FRMPD1: variants seen among roughly 807,000 people sequenced by gnomAD.
FRMPD1 encodes the protein FERM and PDZ domain containing 1.
FRMPD1 carries 76 observed loss-of-function variants against 117.8 expected under a neutral mutation model. The ratio of observed to expected loss-of-function variants is 0.65; its 90% CI spans 0.54 to 0.78. FRMPD1 has a LOEUF of 0.78. FRMPD1 is among the 30% of genes least tolerant of loss of function. The pLI, the probability that FRMPD1 is intolerant of heterozygous loss-of-function variation, is 0.00. For synonymous variants in FRMPD1, 783 were observed against 770.4 expected (o/e 1.02, Z -0.27); for missense variants, 1,786 against 1,964.5 (o/e 0.91, Z 1.72).
chr9:37,725,936 A>G (rs1161177596), intron 7 of FRMPD1, among the ~76,000 whole-genome samples: 1 of 152,210 alleles, frequency 6.6e-6, no homozygotes, highest in East Asian at 1.9e-4. Context: ...TACTTTCATC[A>G]TCTTTGCTCA....
intron 1 of FRMPD1, among the ~76,000 whole-genome samples, chr9:37,671,832 G>C (rs1033786004): frequency 6.6e-6 from 1 of 152,290 alleles, no homozygotes. Context: ...CGGGCGTGGT[G>C]GTGGGCATCT....
chr9:37,687,251 C>A (rs1171034052), intron 1 of FRMPD1, among the ~76,000 whole-genome samples: 1 of 152,220 alleles, frequency 6.6e-6, no homozygotes, highest in African/African-American at 2.4e-5. Context: ...CCCGTTAATC[C>A]TGTCTCTAAA....
At chr9:37,671,213 C>G (rs1821339522) in intron 1 of FRMPD1, among the ~76,000 whole-genome samples, 1 of 152,348 alleles carries the variant, frequency 6.6e-6, no homozygotes, top group South Asian at 2.1e-4. Context: ...TTCCCTCTCA[C>G]TCAAGGACTT....
chr9:37,733,138 G>A (rs1465532812), intron 10 of FRMPD1, among the ~76,000 whole-genome samples: 1 of 152,138 alleles, frequency 6.6e-6, no homozygotes, highest in Non-Finnish European at 1.5e-5. Flanking sequence ...CCCCATGAGA[G>A]TGTCTTGTAC....
At chr9:37,737,838 A>AG (rs948920211) in intron 14 of FRMPD1, among the ~76,000 whole-genome samples, 65 of 152,106 alleles carry the variant, frequency 4.3e-4, no homozygotes, top group African/African-American at 1.5e-3. Flanking sequence ...AAAAAAAAAA[A>AG]AAAAAAAAGA....
At chr9:37,649,771 T>C (rs1820611695), upstream of FRMPD1, among the ~76,000 whole-genome samples, 1 of 152,234 alleles carries the variant, frequency 6.6e-6, no homozygotes, top group Non-Finnish European at 1.5e-5. Flanking sequence ...AACCTGCCAG[T>C]GCACTGGGAA....
At position 37,745,468 on chromosome 9, in the gene FRMPD1, C is replaced by T; in HGVS notation, c.3436C>T (p.Gln1146Ter). The change falls in exon 16 of 16, where the codon CAG becomes TAG. Residue 1146 changes from glutamine to a stop codon, truncating the protein, a stop_gained. Coordinates refer to ENST00000377765, the MANE Select transcript of FRMPD1 (RefSeq NM_014907.3). LOFTEE classifies it high-confidence loss of function. ...GGGTGATGTGTCAAATAATGTTTCA[C>T]AGACTCTTGATATTAGCTCTCCAGC... The part of the protein sequence containing the change: ...SPGDVSNNVS[Q>*]TLDISSPAGK... 1 of 1,613,934 alleles carries T rather than the reference C, an allele frequency of 6.2e-7. No homozygotes were observed. The highest frequency in any genetic ancestry group is 8.5e-7 in the Non-Finnish European group (1 of 1,179,810).
the FRMPD1 span, among the ~76,000 whole-genome samples, chr9:37,618,017 C>A: frequency 2.0e-5 from 3 of 152,056 alleles, no homozygotes; most frequent in South Asian, 4.2e-4. Flanking sequence ...TGGGGCAGCC[C>A]CAGCTGACTC....
chr9:37,686,241 A>G (rs10122230), intron 1 of FRMPD1, among the ~76,000 whole-genome samples: 104,237 of 152,168 alleles, frequency 0.69, 36,087 homozygotes, highest in East Asian at 0.94. Context: ...TCCAGAAAAG[A>G]AGCTGATTTA....
the FRMPD1 span, among the ~76,000 whole-genome samples, chr9:37,636,500 C>T: frequency 4.0e-4 from 61 of 152,294 alleles, no homozygotes; most frequent in Admixed American, 3.7e-3. Flanking sequence ...AGTGTCCTCC[C>T]TTAGGGACCC....
the FRMPD1 span, among the ~76,000 whole-genome samples, chr9:37,643,324 T>C: frequency 6.6e-6 from 1 of 152,192 alleles, no homozygotes; most frequent in African/African-American, 2.4e-5. Flanking sequence ...TTGGTACTAT[T>C]ATTTGCATAT....
Position 37,746,687 on chromosome 9 carries a change from A to G in FRMPD1, c.4655A>G (p.Lys1552Arg). 2 of 1,614,080 alleles carry G rather than the reference A, an allele frequency of 1.2e-6. No individual in the cohort carries two copies. The highest frequency in any genetic ancestry group is 3.3e-4 in the Middle Eastern group (2 of 6,062). Residue 1552 changes from lysine (K) to arginine (R), a missense_variant, in exon 16 of 16, where the codon AAA becomes AGA. Coordinates refer to ENST00000377765, the MANE Select transcript of FRMPD1 (RefSeq NM_014907.3). ...CERGYHDLSV[K>R]LLARQCTALT... The stretch of plus-strand genomic sequence containing the variant: ...AGAGGCTACCACGACCTGAGTGTGA[A>G]ACTCCTGGCCCGTCAGTGCACGGCC...
chr9:37,680,875 G>A (rs761328779), intron 1 of FRMPD1, among the ~76,000 whole-genome samples: 3 of 152,124 alleles, frequency 2.0e-5, no homozygotes, highest in Non-Finnish European at 4.4e-5. Flanking sequence ...GGAGGAGGAA[G>A]AAGAATGATA....
chr9:37,645,083 C>T, the FRMPD1 span, among the ~76,000 whole-genome samples: 13 of 141,650 alleles, frequency 9.2e-5, no homozygotes, highest in African/African-American at 3.2e-4. Context: ...GCTGATCTCC[C>T]AGGAGCTGAG....
chr9:37,682,376 T>TA (rs1821759365), intron 1 of FRMPD1, among the ~76,000 whole-genome samples: 1 of 152,126 alleles, frequency 6.6e-6, no homozygotes, highest in African/African-American at 2.4e-5. Flanking sequence ...TAGTGGGAGA[T>TA]AGAGTTGGAC....
chr9:37,735,705 G>C lies in FRMPD1; in HGVS notation c.1372G>C (p.Val458Leu). 6.2e-7 allele frequency: 1 copy of C among 1,613,686 alleles called. No individual in the cohort carries two copies. The highest frequency in any genetic ancestry group is 8.5e-7 in the Non-Finnish European group (1 of 1,179,692). The change falls in exon 13 of 16, where the codon GTC (valine) becomes CTC (leucine). Residue 458 changes from valine (V) to leucine (L), a missense_variant. Transcript: ENST00000377765. ...AACGGAAGAGTCTGAGAAAGTGAGC[G>C]TCGTCAAAGTGTATCTTCAGGACGT... ...ELTEESEKVS[V>L]VKVYLQDVKV...
At chr9:37,729,603 G>C in intron 7 of FRMPD1, 125 bp from the exon 8 acceptor site, 1 of 952,072 alleles carries the variant, frequency 1.1e-6, no homozygotes, top group Non-Finnish European at 1.6e-6. Flanking sequence ...AGACTCTGGC[G>C]TAAGTCAGCA....
At position 37,740,029 on chromosome 9, in the gene FRMPD1, T is replaced by G. The variant is rs1824307223; in HGVS notation, c.1550-49T>G. ...GGGGTCAGGGGGCTAGAAGGACACA[T>G]AGGTAGGAGAATTCTGTTGTGTAAC... On this transcript the variant is annotated intron_variant, in intron 14 of 15. Coordinates refer to ENST00000377765, the MANE Select transcript of FRMPD1 (RefSeq NM_014907.3). The surrounding 1 kb of genome is among the most constrained non-coding windows in gnomAD (Gnocchi z 4.2). The G allele has an allele frequency of 6.0e-6, 8 of 1,337,756 alleles. No individual in the cohort carries two copies. The highest frequency in any genetic ancestry group is 8.3e-6 in the Non-Finnish European group (8 of 963,738). The allele number at this position is 1,337,756 out of a possible 1,614,324, so 82.9% of individuals were successfully genotyped here. A position where few individuals can be genotyped will look rare whatever the true frequency, so the allele number is the denominator to read the frequency against.
intron 1 of FRMPD1, among the ~76,000 whole-genome samples, chr9:37,678,341 A>G (rs60027926): frequency 0.012 from 1,732 of 140,664 alleles, 29 homozygotes; most frequent in African/African-American, 0.045. Flanking sequence ...GCTCACTGCA[A>G]CCTCCACCTC....
Sources: gnomAD v4.1 joint callset for allele counts (sites outside exome capture counted in the v4.1 genomes callset) on GRCh38, gnomAD v4.1.1 for gene constraint, Gnocchi (gnomAD v3.1) non-coding constraint, MANE v1.5 for transcripts, NCBI Gene and HGNC (gene_info 2026-07-23, HGNC 2026-07-21) for gene names.